ABCA1: variants seen among roughly 807,000 people sequenced by gnomAD.
The protein encoded by ABCA1 is phospholipid-transporting ATPase ABCA1.
In ABCA1, 133 loss-of-function variants were observed where a neutral mutation model predicts 262.5. The observed-to-expected ratio is 0.51, with a 90% CI of 0.44 to 0.59. ABCA1 has a LOEUF of 0.59. Ranked by LOEUF, ABCA1 falls within the 20% of genes least tolerant of loss-of-function variation. The pLI is 0.00. For missense variants in ABCA1, 2,452 were observed against 2,777.5 expected (o/e 0.88, Z 2.63); for synonymous variants, 1,022 against 1,043.5 (o/e 0.98, Z 0.40).
At position 104,822,479 on chromosome 9, in the gene ABCA1, C is replaced by T; in HGVS notation, c.2828+17G>A. On this transcript the variant is annotated intron_variant, in intron 19 of 49. Coordinates refer to ENST00000374736, the MANE Select transcript of ABCA1 (RefSeq NM_005502.4). Reference sequence around the variant, plus strand: ...CCTCCTGTGGCTGATTCTGCGGGAACCACACCCTCTTCTTACATGGTGGTC... The same window carrying T: ...CCTCCTGTGGCTGATTCTGCGGGAATCACACCCTCTTCTTACATGGTGGTC... 6.2e-7 allele frequency: 1 copy of T among 1,612,692 alleles called. No homozygotes were observed. Among genetic ancestry groups the T allele is most frequent in the Non-Finnish European group, 8.5e-7 (1 of 1,179,884 alleles).
intron 44 of ABCA1, among the ~76,000 whole-genome samples, chr9:104,789,967 G>A (rs1588200462): frequency 6.6e-6 from 1 of 152,156 alleles, no homozygotes; most frequent in East Asian, 1.9e-4. Flanking sequence ...ATTGTGGCGG[G>A]CACCTGTAAT....
chr9:104,830,686 T>C (rs1163067328), intron 14 of ABCA1, among the ~76,000 whole-genome samples: 1 of 148,786 alleles, frequency 6.7e-6, no homozygotes, highest in African/African-American at 2.5e-5. Flanking sequence ...CGAGACTCCA[T>C]CTCAAAAAAA....
chr9:104,923,444 C>A (rs148634136), intron 1 of ABCA1, among the ~76,000 whole-genome samples: 3 of 152,286 alleles, frequency 2.0e-5, no homozygotes, highest in Admixed American at 1.3e-4. Flanking sequence ...GCAATCCCTA[C>A]GCAACCAAGG....
At chr9:104,915,112 G>A (rs1351037817) in intron 1 of ABCA1, among the ~76,000 whole-genome samples, 2 of 152,188 alleles carry the variant, frequency 1.3e-5, no homozygotes, top group East Asian at 3.8e-4. Flanking sequence ...ATACAATTTT[G>A]CCACCTTAAC....
At chr9:104,851,003 C>T (rs116919686) in intron 7 of ABCA1, among the ~76,000 whole-genome samples, 2 of 152,164 alleles carry the variant, frequency 1.3e-5, no homozygotes, top group African/African-American at 4.8e-5. Flanking sequence ...AATGTCATTA[C>T]AGGAAGAATG....
At chr9:104,881,628 G>A (rs899069564) in intron 5 of ABCA1, among the ~76,000 whole-genome samples, 6 of 152,194 alleles carry the variant, frequency 3.9e-5, no homozygotes, top group Non-Finnish European at 5.9e-5. Flanking sequence ...ACAGGGTAAT[G>A]TATGCTAGCA....
In ABCA1 at chr9:104,791,928, G is replaced by C; in HGVS notation, c.5820+8C>G. The C allele has an allele frequency of 1.9e-6, 3 of 1,613,026 alleles. No homozygotes were observed. Among genetic ancestry groups the C allele is most frequent in the Non-Finnish European group, 2.5e-6 (3 of 1,179,420 alleles). On this transcript the variant is annotated splice_region_variant and intron_variant, in intron 43 of 49. Coordinates refer to ENST00000374736, the MANE Select transcript of ABCA1 (RefSeq NM_005502.4). ...GGGACAAACGCAATATAGACAAAGT[G>C]TCTTTACCTCACCAGGAGGAATGCC...
chr9:104,864,784 G>A (rs1322611712), intron 5 of ABCA1, among the ~76,000 whole-genome samples: 1 of 151,728 alleles, frequency 6.6e-6, no homozygotes, highest in Admixed American at 6.6e-5. Context: ...CCCCTGCAAT[G>A]GGCCTAGGTC....
At chr9:104,888,749 G>T (rs138492267) in intron 3 of ABCA1, among the ~76,000 whole-genome samples, 1,970 of 152,322 alleles carry the variant, frequency 0.013, 15 homozygotes, top group South Asian at 0.025. Context: ...TGCAATGTGT[G>T]ATTAAGACAT....
intron 37 of ABCA1, 55 bp from the exon 38 acceptor site, chr9:104,796,479 T>A (rs1430297806): frequency 1.5e-6 from 2 of 1,360,380 alleles, no homozygotes; most frequent in Admixed American, 1.8e-5. Context: ...ATACAATGCA[T>A]CACACAAGTT....
At chr9:104,851,587 C>T (rs1298920902) in intron 7 of ABCA1, among the ~76,000 whole-genome samples, 3 of 152,186 alleles carry the variant, frequency 2.0e-5, no homozygotes, top group Admixed American at 6.5e-5. Context: ...TAGGTCCCCA[C>T]TTAGAGGATG....
At chr9:104,906,913 T>C (rs1381661144) in intron 1 of ABCA1, among the ~76,000 whole-genome samples, 1 of 152,132 alleles carries the variant, frequency 6.6e-6, no homozygotes, top group East Asian at 1.9e-4. Flanking sequence ...ACTCTGATCC[T>C]GCTCCTAGAT....
At chr9:104,895,254 C>A (rs1023611003) in intron 2 of ABCA1, among the ~76,000 whole-genome samples, 4 of 152,144 alleles carry the variant, frequency 2.6e-5, no homozygotes, top group African/African-American at 9.7e-5. Context: ...CCAAGAGTAC[C>A]GAAGCACCAC....
chr9:104,794,463 G>A lies in ABCA1; in HGVS notation c.5430C>T (p.Phe1810=), dbSNP rs1190273487. Reference sequence around the variant, plus strand: ...GCCCTCGTCCCAGGCAAAAATGTGGGAAGATCAAGAACACGGACTTCAGGA... The same window carrying A: ...GCCCTCGTCCCAGGCAAAAATGTGGAAAGATCAAGAACACGGACTTCAGGA... The part of the protein sequence containing the change: ...NDILKSVFLI[F]PHFCLGRGLI... Residue 1810 remains phenylalanine, a synonymous_variant, in exon 40 of 50, where the codon TTC becomes TTT. Transcript: ENST00000374736. 1 of 1,580,452 alleles carries A rather than the reference G, an allele frequency of 6.3e-7. No individual in the cohort carries two copies. The highest frequency in any genetic ancestry group is 8.6e-7 in the Non-Finnish European group (1 of 1,161,342).
intron 42 of ABCA1, 80 bp downstream of exon 42, chr9:104,792,706 C>G (rs1008938985): frequency 3.8e-6 from 6 of 1,594,566 alleles, no homozygotes; most frequent in Non-Finnish European, 5.2e-6. Flanking sequence ...TTTTATTAAG[C>G]AAGTCAGCAA....
intron 41 of ABCA1, 129 bp downstream of exon 41, chr9:104,793,042 A>T: frequency 1.3e-6 from 2 of 1,579,600 alleles, no homozygotes; most frequent in East Asian, 2.2e-5. Flanking sequence ...GGATGCCCAC[A>T]TCAGGAAAAT....
At position 104,829,049 on chromosome 9, in the gene ABCA1, T is replaced by C; in HGVS notation, c.1982A>G (p.Tyr661Cys). 6.2e-7 allele frequency: 1 copy of C among 1,614,204 alleles called. No individual in the cohort carries two copies. Among genetic ancestry groups the C allele is most frequent in the Non-Finnish European group, 8.5e-7 (1 of 1,180,040 alleles). ...SVAVIIKGIV[Y>C]EKEARLKETM... ...CTCTTTCAGCCGTGCCTCCTTCTCA[T>C]ACACGATGCCCTTGATGATCACAGC... Residue 661 changes from tyrosine (Y) to cysteine (C), a missense_variant, in exon 15 of 50, where the codon TAT (tyrosine) becomes TGT (cysteine). By Grantham distance (194) the Tyr-to-Cys change is radical. Transcript: ENST00000374736.
At chr9:104,841,634 C>A (rs541819709) in intron 8 of ABCA1, among the ~76,000 whole-genome samples, 2 of 148,546 alleles carry the variant, frequency 1.3e-5, no homozygotes, top group East Asian at 4.8e-4. Context: ...ATACCATGGC[C>A]TGGACACTGC....
chr9:104,824,510 C>G lies in ABCA1; in HGVS notation c.2611G>C (p.Asp871His). ...TTGGAACCAGGGTGGCTCTTCTCAT[C>G]ACTTTCCTCGCCAAACCAGTAGGAC... ...TKSYWFGEES[D>H]EKSHPGSNQK... Residue 871 changes from aspartate (D) to histidine (H), a missense_variant, in exon 18 of 50, where the codon GAT becomes CAT. Around this residue, in one of 4 missense-constraint regions of ABCA1, gnomAD observed 1,032 missense variants for 1,089.7 expected, o/e 0.95. Transcript: ENST00000374736. The G allele has an allele frequency of 6.2e-7, 1 of 1,614,136 alleles. No homozygotes were observed. The highest frequency in any genetic ancestry group is 1.1e-5 in the South Asian group (1 of 91,082).
Sources: allele counts gnomAD v4.1 joint callset (sites outside exome capture counted in the v4.1 genomes callset), GRCh38; gene constraint gnomAD v4.1.1; regional missense constraint gnomAD v4.1.1; transcripts MANE v1.5; gene names NCBI Gene and HGNC (gene_info 2026-07-23, HGNC 2026-07-21).